COL28A1: variants seen among roughly 807,000 people sequenced by gnomAD.
COL28A1 encodes the protein collagen type XXVIII alpha 1 chain.
Under a neutral mutation model 150.2 loss-of-function variants are expected in COL28A1, and 161 were observed. The observed-to-expected ratio is 1.07, with a 90% CI of 0.94 to 1.22. COL28A1 has a LOEUF of 1.22. Ranked by LOEUF, COL28A1 falls within the 50% of genes most tolerant of loss-of-function variation. COL28A1 has a pLI of 0.00. For synonymous variants in COL28A1, 552 were observed against 469.7 expected, an observed-to-expected ratio of 1.18 and a Z score of -2.26; for missense variants, 1,617 against 1,388.3, an observed-to-expected ratio of 1.16 and a Z score of -2.62.
intron 25 of COL28A1, among the ~76,000 whole-genome samples, chr7:7,426,614 T>C (rs1784654931): frequency 6.6e-6 from 1 of 152,226 alleles, no homozygotes; most frequent in Admixed American, 6.5e-5. Context: ...AATTGCTACA[T>C]TTCCTCTCAA....
chr7:7,497,113 G>A (rs1226990282), intron 11 of COL28A1, among the ~76,000 whole-genome samples: 4 of 150,006 alleles, frequency 2.7e-5, no homozygotes, highest in Non-Finnish European at 4.4e-5. Context: ...AAGGAAGGAA[G>A]GAAGGAAGGA....
intron 26 of COL28A1, among the ~76,000 whole-genome samples, chr7:7,419,650 T>G (rs1036497375): frequency 2.6e-5 from 4 of 152,204 alleles, no homozygotes; most frequent in African/African-American, 4.8e-5. Flanking sequence ...CTGAGCACTT[T>G]GCAGTTAAAA....
At chr7:7,338,282 G>A in the COL28A1 span, among the ~76,000 whole-genome samples, 198 of 152,112 alleles carry the variant, frequency 1.3e-3, 1 homozygote, top group African/African-American at 4.7e-3. Flanking sequence ...GATAGCTCTG[G>A]GCAGTATGGT....
At chr7:7,440,652 T>A in intron 21 of COL28A1, 138 bp downstream of exon 21, 1 of 509,256 alleles carries the variant, frequency 2.0e-6, no homozygotes, top group Admixed American at 3.3e-5. Context: ...TTCTATAGGT[T>A]TCTTATTTTG....
intron 13 of COL28A1, among the ~76,000 whole-genome samples, chr7:7,487,364 G>A (rs1779683477): frequency 6.6e-6 from 1 of 152,092 alleles, no homozygotes; most frequent in Admixed American, 6.5e-5. Flanking sequence ...CATCACCTGA[G>A]GTCAGGAGTT....
At chr7:7,372,943 G>A in intron 32 of COL28A1, 55 bp downstream of exon 32, 1 of 1,466,024 alleles carries the variant, frequency 6.8e-7, no homozygotes, top group Non-Finnish European at 9.4e-7. Flanking sequence ...CAGTGATATG[G>A]TACTTAGAGG....
intron 2 of COL28A1, 82 bp from the exon 3 acceptor site, chr7:7,531,986 T>A: frequency 1.3e-6 from 1 of 768,440 alleles, no homozygotes; most frequent in South Asian, 1.8e-5. Flanking sequence ...TGAAGTGGTG[T>A]GTTGTATATT....
Position 7,419,914 on chromosome 7 carries a change from G to T in COL28A1, c.2038C>A (p.Pro680Thr). Residue 680 changes from proline (P) to threonine (T), a missense_variant, in exon 26 of 35, where the codon CCT becomes ACT. Coordinates refer to ENST00000399429, the MANE Select transcript of COL28A1 (RefSeq NM_001037763.3). ...GGCCCTTGGGTTCCTACGCCCCGAG[G>T]CCCAGAAGGACCTGGAGGGCCTCTG... ...GVRGPPGPSGPRGVGTQGPKG... is the reference protein window; with the variant it reads ...GVRGPPGPSGTRGVGTQGPKG... 6.2e-7 allele frequency: 1 copy of T among 1,602,424 alleles called. No individual in the cohort carries two copies. Among genetic ancestry groups the T allele is most frequent in the South Asian group, 1.1e-5 (1 of 89,082 alleles).
intron 27 of COL28A1, among the ~76,000 whole-genome samples, chr7:7,414,576 C>G (rs901041002): frequency 2.0e-5 from 3 of 152,168 alleles, no homozygotes; most frequent in South Asian, 4.1e-4. Context: ...CAGCAGCAGC[C>G]CTGGGTGGTC....
chr7:7,455,286 T>C (rs1402244694), intron 16 of COL28A1, among the ~76,000 whole-genome samples: 3 of 152,214 alleles, frequency 2.0e-5, no homozygotes, highest in Non-Finnish European at 4.4e-5. Flanking sequence ...TTAATAAGGC[T>C]GCGTAAGTAT....
intron 15 of COL28A1, among the ~76,000 whole-genome samples, chr7:7,471,258 A>G (rs1462948458): frequency 2.0e-5 from 3 of 152,130 alleles, no homozygotes; most frequent in Non-Finnish European, 2.9e-5. Flanking sequence ...AAAAATGTCC[A>G]GGACTAGACG....
chr7:7,342,892 G>A, the COL28A1 span, among the ~76,000 whole-genome samples: 2 of 151,930 alleles, frequency 1.3e-5, no homozygotes, highest in African/African-American at 4.8e-5. Flanking sequence ...TCTGCCTAAA[G>A]AATCCTTTTT....
intron 20 of COL28A1, among the ~76,000 whole-genome samples, chr7:7,441,754 A>C (rs1054731394): frequency 6.6e-6 from 1 of 152,128 alleles, no homozygotes; most frequent in African/African-American, 2.4e-5. Context: ...CTGCTGGTTC[A>C]GGGACCACAC....
intron 16 of COL28A1, among the ~76,000 whole-genome samples, chr7:7,454,578 G>A (rs1786990293): frequency 6.6e-6 from 1 of 151,958 alleles, no homozygotes; most frequent in Admixed American, 6.6e-5. Flanking sequence ...CCAAGCTGAA[G>A]AACAACAACC....
At chr7:7,354,909 T>A (rs1459575981), downstream of COL28A1, among the ~76,000 whole-genome samples, 2 of 152,076 alleles carry the variant, frequency 1.3e-5, no homozygotes, top group Admixed American at 1.3e-4. Flanking sequence ...TCCTAAGAAG[T>A]TACCTGGCAC....
intron 25 of COL28A1, among the ~76,000 whole-genome samples, chr7:7,426,445 T>C (rs1376131844): frequency 6.6e-6 from 1 of 152,220 alleles, no homozygotes; most frequent in Non-Finnish European, 1.5e-5. Context: ...TATGCACATA[T>C]TGGCAATGTG....
chr7:7,378,068 A>G (rs895107870), intron 30 of COL28A1, among the ~76,000 whole-genome samples: 7 of 152,138 alleles, frequency 4.6e-5, no homozygotes, highest in Non-Finnish European at 8.8e-5. Context: ...TCATACGTCT[A>G]TAAGACATCC....
chr7:7,379,570 C>T (rs932644775), intron 30 of COL28A1, among the ~76,000 whole-genome samples: 1 of 152,150 alleles, frequency 6.6e-6, no homozygotes, highest in African/African-American at 2.4e-5. Flanking sequence ...CAAGAAGTAG[C>T]CTCACTCTCC....
chr7:7,410,365 T>C (rs1445781064), intron 27 of COL28A1, among the ~76,000 whole-genome samples: 1 of 152,206 alleles, frequency 6.6e-6, no homozygotes. Context: ...CACAATTGAC[T>C]TGGCAGGTAT....
Sources: allele counts gnomAD v4.1 joint callset (sites outside exome capture counted in the v4.1 genomes callset), GRCh38; gene constraint gnomAD v4.1.1; transcripts MANE v1.5; gene names NCBI Gene and HGNC (gene_info 2026-07-23, HGNC 2026-07-21).